Variants in CLVS1 observed in about 807,000 individuals in gnomAD.
CLVS1 encodes clavesin 1, also known as clavesin-1.
A neutral mutation model predicts 33.1 loss-of-function variants in CLVS1; 10 were observed. That is an observed-to-expected ratio of 0.30 (90% CI 0.19 to 0.51). The LOEUF (loss-of-function observed/expected upper bound fraction) is 0.51, where lower values mean the gene tolerates loss of function less well. Among genes scored for constraint, CLVS1 ranks in the 20% least tolerant of loss-of-function variants. The pLI, the probability that CLVS1 is intolerant of heterozygous loss-of-function variation, is 0.97. For synonymous variants in CLVS1, 163 were observed against 166.1 expected, an observed-to-expected ratio of 0.98 and a Z score of 0.14; for missense variants, 343 against 433.4, an observed-to-expected ratio of 0.79 and a Z score of 1.85.
At chr8:61,309,680 G>T (rs963208009) in intron 2 of CLVS1, among the ~76,000 whole-genome samples, 1 of 152,142 alleles carries the variant, frequency 6.6e-6, no homozygotes, top group African/African-American at 2.4e-5. Context: ...TGATGGATAC[G>T]CTGAAGACAG....
At chr8:60,968,728 A>G in the CLVS1 span, among the ~76,000 whole-genome samples, 1 of 151,512 alleles carries the variant, frequency 6.6e-6, no homozygotes, top group Admixed American at 6.6e-5. Context: ...ATCTCTACAA[A>G]AAATACAAAA....
chr8:61,284,072 T>C (rs1431572894), upstream of CLVS1, among the ~76,000 whole-genome samples: 1 of 152,214 alleles, frequency 6.6e-6, no homozygotes, highest in East Asian at 1.9e-4. Context: ...TGTGGCAACA[T>C]AGATAAACCT....
intron 4 of CLVS1, 113 bp downstream of exon 4, chr8:61,454,364 TCA>T: frequency 1.2e-6 from 1 of 825,164 alleles, no homozygotes; most frequent in East Asian, 2.5e-5. Flanking sequence ...TCTTTATCTT[TCA>T]CTGTGGTTTT....
intron 1 of CLVS1, among the ~76,000 whole-genome samples, chr8:61,116,689 G>C (rs557069020): frequency 6.8e-6 from 1 of 148,002 alleles, no homozygotes. Context: ...GTAGATATGC[G>C]GCGTTATTTC....
chr8:61,202,281 C>T (rs183584785), intron 2 of CLVS1: 18 of 599,612 alleles, frequency 3.0e-5, no homozygotes, highest in African/African-American at 2.9e-4. Context: ...TCCTGTGTGG[C>T]TGTTCTCTGG....
At chr8:61,261,582 G>A (rs956859675) in intron 2 of CLVS1, among the ~76,000 whole-genome samples, 1 of 152,132 alleles carries the variant, frequency 6.6e-6, no homozygotes, top group Non-Finnish European at 1.5e-5. Flanking sequence ...GTATTAGGAG[G>A]TGGAGCTTTG....
In CLVS1 at chr8:61,187,727, T is replaced by C. The variant is rs564311803; in HGVS notation, c.-152+55867T>C. 7.3e-5 allele frequency among the ~76,000 whole-genome samples: 11 copies of C among 151,296 alleles called. No individual in the cohort carries two copies. In the Middle Eastern group the frequency reaches 0.01, roughly 144 times the overall value. On this transcript the variant is annotated intron_variant, in intron 2 of 2. Coordinates refer to the CLVS1 transcript ENST00000522621. The stretch of plus-strand genomic sequence containing the variant: ...TCAGTAAAAACAGCTAAAATGAATA[T>C]ATTAAATATATGATAATTTATTTTT...
intron 2 of CLVS1, among the ~76,000 whole-genome samples, chr8:61,270,196 C>T (rs1809405727): frequency 6.6e-6 from 1 of 152,128 alleles, no homozygotes; most frequent in African/African-American, 2.4e-5. Flanking sequence ...CCATCAGTAC[C>T]TAATTTATTG....
At chr8:61,065,198 C>T (rs767753772) in intron 1 of CLVS1, among the ~76,000 whole-genome samples, 15 of 152,116 alleles carry the variant, frequency 9.9e-5, no homozygotes, top group Non-Finnish European at 1.9e-4. Flanking sequence ...TACGTCCTCC[C>T]GTATACTTTA....
intron 5 of CLVS1, among the ~76,000 whole-genome samples, chr8:61,490,973 GAAAAA>G (rs1202710339): frequency 7.2e-6 from 1 of 138,920 alleles, no homozygotes; most frequent in Non-Finnish European, 1.6e-5. Context: ...AAAAAAAAAA[GAAAAA>G]AAAAAGAAAG....
chr8:61,235,086 C>G (rs1031715825), intron 2 of CLVS1, among the ~76,000 whole-genome samples: 1 of 152,214 alleles, frequency 6.6e-6, no homozygotes, highest in African/African-American at 2.4e-5. Flanking sequence ...GTCTAGGGAA[C>G]TGGGCATAGC....
chr8:60,988,401 A>G, the CLVS1 span, among the ~76,000 whole-genome samples: 1 of 152,146 alleles, frequency 6.6e-6, no homozygotes, highest in Non-Finnish European at 1.5e-5. Flanking sequence ...GACAACCTGT[A>G]AGAATCAAGC....
intron 2 of CLVS1, among the ~76,000 whole-genome samples, chr8:61,133,583 A>G (rs1416848682): frequency 6.6e-6 from 1 of 152,182 alleles, no homozygotes; most frequent in Non-Finnish European, 1.5e-5. Context: ...CTGTGAATGA[A>G]ACGGCACCTT....
At chr8:61,253,747 C>A (rs971889356) in intron 2 of CLVS1, among the ~76,000 whole-genome samples, 4 of 152,222 alleles carry the variant, frequency 2.6e-5, no homozygotes, top group Admixed American at 6.5e-5. Flanking sequence ...TCACGTAGTT[C>A]TTGTGCCATG....
At chr8:61,026,663 GT>G in the CLVS1 span, among the ~76,000 whole-genome samples, 1 of 152,208 alleles carries the variant, frequency 6.6e-6, no homozygotes, top group Non-Finnish European at 1.5e-5. Flanking sequence ...CTACTGCCAT[GT>G]GTAAACCATG....
At chr8:61,358,714 A>G (rs981556513) in intron 2 of CLVS1, among the ~76,000 whole-genome samples, 6 of 152,210 alleles carry the variant, frequency 3.9e-5, no homozygotes, top group Admixed American at 3.3e-4. Context: ...CAAACAGAGT[A>G]TTAGAGAAAG....
At chr8:61,154,802 T>C (rs1806617351) in intron 2 of CLVS1, among the ~76,000 whole-genome samples, 1 of 152,242 alleles carries the variant, frequency 6.6e-6, no homozygotes, top group Non-Finnish European at 1.5e-5. Flanking sequence ...TCATTATTCA[T>C]AGCATAGAGT....
chr8:61,202,650 A>G, intron 2 of CLVS1: 2 of 1,529,300 alleles, frequency 1.3e-6, no homozygotes, highest in Non-Finnish European at 9.0e-7. Context: ...CAGTAGTCTT[A>G]AGGTTGAAGT....
intron 1 of CLVS1, among the ~76,000 whole-genome samples, chr8:61,084,547 A>G (rs931484564): frequency 6.6e-6 from 1 of 152,218 alleles, no homozygotes; most frequent in African/African-American, 2.4e-5. Flanking sequence ...GCTCCTCACA[A>G]CAAAGATTTA....
Sources: allele counts gnomAD v4.1 joint callset (sites outside exome capture counted in the v4.1 genomes callset), GRCh38; gene constraint gnomAD v4.1.1; transcripts MANE v1.5; gene names NCBI Gene and HGNC (gene_info 2026-07-23, HGNC 2026-07-21).